The following GATAD2B variants were observed in gnomAD, a reference collection of about 807,000 sequenced individuals.
GATAD2B encodes the protein GATA zinc finger domain containing 2B.
Under a neutral mutation model 64.3 loss-of-function variants are expected in GATAD2B, and 8 were observed. That is an observed-to-expected ratio of 0.12 (90% confidence interval 0.07 to 0.22). GATAD2B has a LOEUF of 0.22. Ranked by LOEUF, GATAD2B falls within the 10% of genes least tolerant of loss-of-function variation. The pLI, the probability that GATAD2B is intolerant of heterozygous loss-of-function variation, is 1.00. For missense variants in GATAD2B, 453 were observed against 752.0 expected (o/e 0.60, Z 4.65); for synonymous variants, 281 against 271.3 (o/e 1.04, Z -0.35).
chr1:153,817,847 TAC>T (rs978778022), intron 5 of GATAD2B, among the ~76,000 whole-genome samples, 191 bp downstream of exon 5: 1 of 152,090 alleles, frequency 6.6e-6, no homozygotes, highest in Non-Finnish European at 1.5e-5. Flanking sequence ...CAAGAAAAAC[TAC>T]AGTGGAAACA....
At chr1:153,839,266 G>A (rs1326798229) in intron 1 of GATAD2B, among the ~76,000 whole-genome samples, 2 of 152,064 alleles carry the variant, frequency 1.3e-5, no homozygotes, top group Admixed American at 6.6e-5. Context: ...ATTCATGCTT[G>A]TAAAGTTTCT....
At position 153,813,251 on chromosome 1, in the gene GATAD2B, T is replaced by C; in HGVS notation, c.1418A>G (p.Gln473Arg). The C allele has an allele frequency of 6.2e-7, 1 of 1,613,282 alleles. No homozygotes were observed. The highest frequency in any genetic ancestry group is 8.5e-7 in the Non-Finnish European group (1 of 1,179,532). Residue 473 changes from glutamine to arginine, a missense_variant and splice_region_variant, in exon 8 of 11, where the codon CAG becomes CGG. Coordinates refer to ENST00000368655, the MANE Select transcript of GATAD2B (RefSeq NM_020699.4). ...NAFVKALQQEQEIEQRLQQQA... is the reference protein window; with the variant it reads ...NAFVKALQQEREIEQRLQQQA... Reference sequence around the variant, plus strand: ...CCAGTGAGCAGTCAGAATTCTTACCTGTTCCTGCTGTAGGGCTTTCACAAA... The same window carrying C: ...CCAGTGAGCAGTCAGAATTCTTACCCGTTCCTGCTGTAGGGCTTTCACAAA...
intron 1 of GATAD2B, among the ~76,000 whole-genome samples, chr1:153,865,542 G>C (rs1676448780): frequency 6.6e-6 from 1 of 152,208 alleles, no homozygotes; most frequent in South Asian, 2.1e-4. Flanking sequence ...AGGATGGTAA[G>C]TGGCTTTCAA....
chr1:153,909,422 G>A (rs913758919), intron 1 of GATAD2B, among the ~76,000 whole-genome samples: 2 of 151,416 alleles, frequency 1.3e-5, no homozygotes, highest in East Asian at 2.0e-4. Context: ...CTGTGGTCTC[G>A]ATCTCCTGAC....
intron 1 of GATAD2B, among the ~76,000 whole-genome samples, chr1:153,838,411 T>A (rs1404689028): frequency 6.6e-6 from 1 of 151,956 alleles, no homozygotes; most frequent in African/African-American, 2.4e-5. Context: ...TTCTCTGCCT[T>A]TTTTTTTGTT....
intron 1 of GATAD2B, among the ~76,000 whole-genome samples, chr1:153,908,162 A>AC (rs1386245091): frequency 1.3e-5 from 2 of 152,126 alleles, no homozygotes; most frequent in African/African-American, 4.8e-5. Context: ...ACGCACGCAC[A>AC]CATCTATGTG....
At chr1:153,836,715 T>C (rs1056193181) in intron 1 of GATAD2B, among the ~76,000 whole-genome samples, 3 of 152,142 alleles carry the variant, frequency 2.0e-5, no homozygotes, top group Non-Finnish European at 4.4e-5. Flanking sequence ...CACATTTAAG[T>C]TGATATACTA....
intron 1 of GATAD2B, among the ~76,000 whole-genome samples, chr1:153,837,974 T>A (rs1257744362): frequency 6.6e-6 from 1 of 152,242 alleles, no homozygotes; most frequent in Non-Finnish European, 1.5e-5. Context: ...CACGTATTCT[T>A]ACTTATATAT....
chr1:153,899,366 C>T (rs917526013), intron 1 of GATAD2B, among the ~76,000 whole-genome samples: 1 of 152,032 alleles, frequency 6.6e-6, no homozygotes, highest in Non-Finnish European at 1.5e-5. Flanking sequence ...GTCAGGAGCT[C>T]GAGACCAGCG....
At chr1:153,897,358 TAAGAAGAA>T (rs1458835048) in intron 1 of GATAD2B, among the ~76,000 whole-genome samples, 2 of 152,316 alleles carry the variant, frequency 1.3e-5, no homozygotes, top group Non-Finnish European at 2.9e-5. Flanking sequence ...TTTTTAAAAA[TAAGAAGAA>T]AAGATGAAAA....
chr1:153,908,537 C>T (rs1420796619), intron 1 of GATAD2B, among the ~76,000 whole-genome samples: 1 of 151,000 alleles, frequency 6.6e-6, no homozygotes, highest in African/African-American at 2.4e-5. Context: ...AATCCAATGT[C>T]GCAATCTTGC....
chr1:153,831,816 T>G (rs973402869), intron 1 of GATAD2B, among the ~76,000 whole-genome samples: 4 of 152,030 alleles, frequency 2.6e-5, no homozygotes, highest in Non-Finnish European at 5.9e-5. Context: ...TTGGGCAGAG[T>G]AGGAAAAGTC....
In GATAD2B at chr1:153,812,148, A is replaced by T; in HGVS notation, c.1420-16T>A. ...GTTCAATTTCCTGTTGGGAGTCATC[A>T]CATCAGGTGATTGAGCAGGACAGCA... is the stretch of plus-strand genomic sequence containing the variant. On this transcript the variant is annotated splice_polypyrimidine_tract_variant and intron_variant, in intron 8 of 10. Coordinates refer to ENST00000368655, the MANE Select transcript of GATAD2B (RefSeq NM_020699.4). 1 of 1,432,698 alleles carries T rather than the reference A, an allele frequency of 7.0e-7. No homozygotes were observed. The highest frequency in any genetic ancestry group is 9.8e-7 in the Non-Finnish European group (1 of 1,017,022). 88.7% of individuals were successfully genotyped at this position (1,432,698 alleles called of 1,614,324 possible). A position where few individuals can be genotyped will look rare whatever the true frequency, so the allele number is the denominator to read the frequency against.
chr1:153,894,269 A>C (rs1677512476), intron 1 of GATAD2B, among the ~76,000 whole-genome samples: 1 of 151,964 alleles, frequency 6.6e-6, no homozygotes, highest in Admixed American at 6.6e-5. Flanking sequence ...GGAGTTCAAA[A>C]CCAGCCTGGC....
intron 5 of GATAD2B, 26 bp downstream of exon 5, chr1:153,818,014 C>T (rs1325081668): frequency 1.3e-6 from 2 of 1,564,458 alleles, no homozygotes; most frequent in African/African-American, 2.8e-5. Flanking sequence ...CCCTCCAACA[C>T]TAAGATCCCA....
At position 153,816,570 on chromosome 1, in the gene GATAD2B, G is replaced by C. The variant is rs775235865; in HGVS notation, c.919C>G (p.Pro307Ala). 26 of 1,609,944 alleles carry C rather than the reference G, an allele frequency of 1.6e-5. No homozygotes were observed. Among genetic ancestry groups the C allele is most frequent in the Non-Finnish European group, 2.2e-5 (26 of 1,176,546 alleles). ...GCAGAGGATGTTGTACGCTGACATG[G>C]AACAGAAGAACTTGACTGCTGAAAT... is the stretch of plus-strand genomic sequence containing the variant. Reference protein sequence around the residue: ...NYQPQSSSSVPCQRTTSSAIY... With the variant: ...NYQPQSSSSVACQRTTSSAIY... Residue 307 changes from proline (P) to alanine (A), a missense_variant, in exon 7 of 11, where the codon CCA (proline) becomes GCA (alanine). Coordinates refer to ENST00000368655, the MANE Select transcript of GATAD2B (RefSeq NM_020699.4). This position sits in a 1 kb window ranked among gnomAD's most constrained non-coding sequence, Gnocchi z 4.9.
intron 1 of GATAD2B, among the ~76,000 whole-genome samples, chr1:153,905,621 C>T (rs556050747): frequency 1.8e-4 from 27 of 149,272 alleles, no homozygotes; most frequent in African/African-American, 6.2e-4. Flanking sequence ...AAACTTACTA[C>T]GTAACTACAG....
At chr1:153,874,483 A>C (rs1676764174) in intron 1 of GATAD2B, among the ~76,000 whole-genome samples, 1 of 152,058 alleles carries the variant, frequency 6.6e-6, no homozygotes, top group Non-Finnish European at 1.5e-5. Flanking sequence ...CTTCTTCAAA[A>C]TCCTATTCCT....
intron 1 of GATAD2B, among the ~76,000 whole-genome samples, chr1:153,916,135 T>C (rs1315270786): frequency 6.6e-6 from 1 of 151,676 alleles, no homozygotes; most frequent in Non-Finnish European, 1.5e-5. Flanking sequence ...ACAAAAATTA[T>C]CTGGGTGTAG....
Sources: gnomAD v4.1 joint callset for allele counts (sites outside exome capture counted in the v4.1 genomes callset) on GRCh38, gnomAD v4.1.1 for gene constraint, Gnocchi (gnomAD v3.1) non-coding constraint, MANE v1.5 for transcripts, NCBI Gene and HGNC (gene_info 2026-07-23, HGNC 2026-07-21) for gene names.